The following ATP5MK variants were observed in gnomAD, a reference collection of about 807,000 sequenced individuals.
ATP5MK encodes ATP synthase membrane subunit k, also known as ATP synthase F(0) complex subunit k, mitochondrial.
ATP5MK carries 5 observed loss-of-function variants against 6.6 expected under a neutral mutation model. The observed-to-expected ratio is 0.76, with a 90% confidence interval of 0.40 to 1.60. The LOEUF (loss-of-function observed/expected upper bound fraction) is 1.60, where lower values mean the gene tolerates loss of function less well. Among genes scored for constraint, ATP5MK ranks in the 40% most tolerant of loss-of-function variants. The probability of loss-of-function intolerance (pLI) is 0.02; values close to 1 mark genes in which losing one functional copy is unlikely to be tolerated. For synonymous variants in ATP5MK, 30 were observed against 24.5 expected, an observed-to-expected ratio of 1.22 and a Z score of -0.66; for missense variants, 57 against 66.6, an observed-to-expected ratio of 0.86 and a Z score of 0.50.
chr10:103,389,763 G>A (rs1025587341), intron 4 of ATP5MK, among the ~76,000 whole-genome samples: 3 of 151,006 alleles, frequency 2.0e-5, no homozygotes, highest in African/African-American at 4.9e-5. Context: ...ACACAGTCTC[G>A]CTCTATCCCC....
At chr10:103,391,634 A>G (rs1448286479) in intron 4 of ATP5MK, among the ~76,000 whole-genome samples, 1 of 150,620 alleles carries the variant, frequency 6.6e-6, no homozygotes, top group Non-Finnish European at 1.5e-5. Flanking sequence ...CAGCCTCCCG[A>G]GTAGCTGGGA....
chr10:103,396,148 TCA>T (rs1308255325), intron 1 of ATP5MK, 116 bp from the exon 2 acceptor site: 1 of 152,320 alleles, frequency 6.6e-6, no homozygotes, highest in African/African-American at 2.4e-5. Flanking sequence ...GCGGAGGGCC[TCA>T]TTTTTCTCCA....
rs1176248117 is a variant in ATP5MK at position 103,392,053 on chromosome 10, ACTAGGCCT to A, written c.*3+130_*3+137del. 40 of 703,564 alleles carry A rather than the reference ACTAGGCCT, an allele frequency of 5.7e-5. No individual in the cohort carries two copies. The South Asian group carries it at 6.1e-4, about 11-fold the overall frequency. The allele number at this position is 703,564 out of a possible 1,614,324, so 43.6% of individuals were successfully genotyped here. On this transcript the variant is annotated intron_variant, in intron 4 of 4. Transcript: ENST00000369815. ...TGGGATTACAGGTATGAGCCACTATACTAGGCCTCTGTATTTTTTTTTCTTGTATGCTA... is the reference window on the plus strand; with the variant it reads ...TGGGATTACAGGTATGAGCCACTATACTGTATTTTTTTTTCTTGTATGCTA...
At chr10:103,391,829 A>G (rs1459297628) in intron 4 of ATP5MK, among the ~76,000 whole-genome samples, 1 of 151,616 alleles carries the variant, frequency 6.6e-6, no homozygotes, top group African/African-American at 2.4e-5. Flanking sequence ...TTTTTGAGAC[A>G]CGATTTTGCT....
In ATP5MK at chr10:103,390,607, G is replaced by A. The variant is rs548099453; in HGVS notation, c.*4-1441C>T. ...AGTTTGAGACCAGCCTGACCAACAC[G>A]GTGAAACCCCGTCTCTACTAAAAAT... On this transcript the variant is annotated intron_variant, in intron 4 of 4. Transcript: ENST00000369815. Among the ~76,000 whole-genome samples the A allele has an allele frequency of 3.9e-5, 6 of 152,142 alleles. No individual in the cohort carries two copies. The East Asian group carries it at 5.8e-4, about 15-fold the overall frequency.
rs758997708 is a variant in ATP5MK, at chr10:103,392,384, G to A, written c.74C>T (p.Thr25Ile). 6 of 1,605,918 alleles carry A rather than the reference G, an allele frequency of 3.7e-6. No homozygotes were observed. Among genetic ancestry groups the A allele is most frequent in the East Asian group, 2.2e-5 (1 of 44,760 alleles). Residue 25 changes from threonine (T) to isoleucine (I), a missense_variant, in exon 3 of 5, where the codon ACA becomes ATA. By Grantham distance (89) the Thr-to-Ile change is moderately conservative. Transcript: ENST00000369815. ...ATCAATACTTACGTTCATTCTACCT[G>A]TGAGAGTATAAGAGTTGAAATATTT... ...IKKYFNSYTLTGRMNCVLATY... is the reference protein window; with the variant it reads ...IKKYFNSYTLIGRMNCVLATY...
intron 1 of ATP5MK, 98 bp from the exon 2 acceptor site, chr10:103,396,130 G>A: frequency 6.6e-6 from 1 of 152,422 alleles, no homozygotes; most frequent in Non-Finnish European, 1.5e-5. Context: ...GACCTCGAGG[G>A]ACGCTTCGCG....
intron 4 of ATP5MK, among the ~76,000 whole-genome samples, chr10:103,389,934 G>A (rs1023860618): frequency 1.3e-4 from 19 of 151,292 alleles, no homozygotes; most frequent in African/African-American, 4.4e-4. Flanking sequence ...GTTTCACCAT[G>A]TTGGCCAGGC....
At chr10:103,389,760 C>T (rs887843423) in intron 4 of ATP5MK, among the ~76,000 whole-genome samples, 2 of 151,822 alleles carry the variant, frequency 1.3e-5, no homozygotes, top group African/African-American at 4.8e-5. Context: ...GAGACACAGT[C>T]TCGCTCTATC....
intron 4 of ATP5MK, among the ~76,000 whole-genome samples, chr10:103,390,909 G>A (rs2093412615): frequency 6.6e-6 from 1 of 152,180 alleles, no homozygotes; most frequent in African/African-American, 2.4e-5. Context: ...ATGGGGGTTG[G>A]AGGATTATAA....
chr10:103,394,195 G>C (rs1479125245), intron 2 of ATP5MK: 1 of 490,184 alleles, frequency 2.0e-6, no homozygotes, highest in Middle Eastern at 3.4e-4. Context: ...TTAATCTATA[G>C]TACCTGTGTA....
At chr10:103,391,671 C>T (rs988874581) in intron 4 of ATP5MK, among the ~76,000 whole-genome samples, 2 of 152,100 alleles carry the variant, frequency 1.3e-5, no homozygotes, top group African/African-American at 4.8e-5. Context: ...CCACACCTGG[C>T]TAACTTTTGT....
intron 2 of ATP5MK, among the ~76,000 whole-genome samples, chr10:103,393,258 A>C (rs996226888): frequency 2.0e-5 from 3 of 152,218 alleles, no homozygotes; most frequent in Non-Finnish European, 4.4e-5. Flanking sequence ...GAGAAAACTA[A>C]GAATTCTCTC....
chr10:103,390,023 C>T (rs933618114), intron 4 of ATP5MK, among the ~76,000 whole-genome samples: 6 of 152,144 alleles, frequency 3.9e-5, no homozygotes, highest in Non-Finnish European at 5.9e-5. Flanking sequence ...TGAGCCACCA[C>T]GCCCAGCCTC....
chr10:103,392,663 G>C (rs1207744833), intron 2 of ATP5MK, among the ~76,000 whole-genome samples, 197 bp from the exon 3 acceptor site: 1 of 152,110 alleles, frequency 6.6e-6, no homozygotes, highest in Non-Finnish European at 1.5e-5. Context: ...TTTGGAAGTA[G>C]GATTTTACCT....
intron 2 of ATP5MK, chr10:103,394,097 T>C (rs965469473): frequency 3.1e-5 from 9 of 288,296 alleles, no homozygotes; most frequent in Non-Finnish European, 6.5e-5. Flanking sequence ...TAAAGCATGC[T>C]AAAGTTTGAA....
intron 4 of ATP5MK, among the ~76,000 whole-genome samples, chr10:103,391,569 G>A (rs111607741): frequency 0.012 from 1,781 of 152,032 alleles, 32 homozygotes; most frequent in African/African-American, 0.04. Flanking sequence ...GTGCAATGGC[G>A]TGATCTCAGC....
At chr10:103,393,363 G>A (rs575209406) in intron 2 of ATP5MK, among the ~76,000 whole-genome samples, 1 of 152,128 alleles carries the variant, frequency 6.6e-6, no homozygotes, top group East Asian at 1.9e-4. Flanking sequence ...GGGTGGATGC[G>A]AGGTCAGGAG....
rs2093431489 is a variant in ATP5MK, at chr10:103,395,769, A to G, written c.-33T>C. 6.6e-6 allele frequency: 1 copy of G among 152,246 alleles called. No homozygotes were observed. Among genetic ancestry groups the G allele is most frequent in the Non-Finnish European group, 1.5e-5 (1 of 68,060 alleles). 9.4% of individuals were successfully genotyped at this position (152,246 alleles called of 1,614,324 possible). A position where few individuals can be genotyped will look rare whatever the true frequency, so the allele number is the denominator to read the frequency against. ...ACCTGGAATGGTGAGATCACGAGGT[A>G]AGGAAGGCAAAGATGAGTGAGAACC... On this transcript the variant is annotated 5_prime_UTR_variant, in exon 2 of 5. Transcript: ENST00000369815.
Sources: gnomAD v4.1 joint callset for allele counts (sites outside exome capture counted in the v4.1 genomes callset) on GRCh38, gnomAD v4.1.1 for gene constraint, MANE v1.5 for transcripts, NCBI Gene and HGNC (gene_info 2026-07-23, HGNC 2026-07-21) for gene names.